The following ASPM variants were observed in gnomAD, a reference collection of about 807,000 sequenced individuals.
ASPM encodes the protein abnormal spindle-like microcephaly-associated protein.
ASPM carries 256 observed loss-of-function variants against 366.4 expected under a neutral mutation model. The ratio of observed to expected loss-of-function variants is 0.70; its 90% CI spans 0.63 to 0.77. ASPM has a LOEUF of 0.77. ASPM is among the 30% of genes least tolerant of loss of function. The pLI, the probability that ASPM is intolerant of heterozygous loss-of-function variation, is 0.00. For missense variants in ASPM, 4,146 were observed against 4,090.4 expected (o/e 1.01, Z -0.37); for synonymous variants, 1,414 against 1,342.9 (o/e 1.05, Z -1.16).
rs973223706 is a variant in ASPM, at chr1:197,142,878, C to T, written c.1374G>A (p.Lys458=). 1.9e-6 allele frequency: 3 copies of T among 1,612,896 alleles called. No individual in the cohort carries two copies. The highest frequency in any genetic ancestry group is 2.7e-5 in the African/African-American group (2 of 74,884). The change falls in exon 3 of 28, where the codon AAG becomes AAA. Residue 458 remains lysine (K), a synonymous_variant. Transcript: ENST00000367409. ...GTTTTATAAAACTGTAGTAATTTGACTTCATTTCTACTAGTTCTTCAAAAA... is the reference window on the plus strand; with the variant it reads ...GTTTTATAAAACTGTAGTAATTTGATTTCATTTCTACTAGTTCTTCAAAAA... ...KAIFEELVEM[K]SNYYSFIKQN...
intron 16 of ASPM, among the ~76,000 whole-genome samples, chr1:197,120,887 C>A (rs1210174634): frequency 6.6e-6 from 1 of 152,112 alleles, no homozygotes; most frequent in Non-Finnish European, 1.5e-5. Context: ...ATTTCCCAAA[C>A]TTTACTATGA....
Position 197,146,406 on chromosome 1 carries a change from C to A in ASPM, c.32G>T (p.Trp11Leu). The A allele has an allele frequency of 6.2e-7, 1 of 1,609,646 alleles. No homozygotes were observed. The highest frequency in any genetic ancestry group is 2.2e-5 in the East Asian group (1 of 44,788). The change falls in exon 1 of 28, where the codon TGG becomes TTG. Residue 11 changes from tryptophan (W) to leucine (L), a missense_variant. Coordinates refer to ENST00000367409, the MANE Select transcript of ASPM (RefSeq NM_018136.5). ...CCTCCGCTCGGTCGGGCTCACTTCC[C>A]AGCAGCCTCGCCCCACTCGCCGGTT... MANRRVGRGC[W>L]EVSPTERRPP...
chr1:197,133,338 C>T lies in ASPM; in HGVS notation c.2419+12G>A, dbSNP rs77191836. The T allele has an allele frequency of 0.019, 30,978 of 1,599,632 alleles. 342 individuals carry two copies. The highest frequency in any genetic ancestry group is 0.021 in the Non-Finnish European group (25,085 of 1,173,526). Reference sequence around the variant, plus strand: ...TAAAGAATTAATGTCAAGATTTCTGCAGTCTTCTTACCCACATCTTTCCAT... The same window carrying T: ...TAAAGAATTAATGTCAAGATTTCTGTAGTCTTCTTACCCACATCTTTCCAT... On this transcript the variant is annotated intron_variant, in intron 6 of 27. Coordinates refer to ENST00000367409, the MANE Select transcript of ASPM (RefSeq NM_018136.5).
In ASPM at chr1:197,132,266, A is replaced by T. The variant is rs1557960378; in HGVS notation, c.2487+19T>A. ...ATAATAAAAAAATATTATTTTAGAA[A>T]CCTGAAATATATGCTTACCTCTAGA... On this transcript the variant is annotated intron_variant, in intron 7 of 27. Transcript: ENST00000367409. The T allele has an allele frequency of 6.4e-7, 1 of 1,566,604 alleles. No individual in the cohort carries two copies. The highest frequency in any genetic ancestry group is 2.3e-5 in the East Asian group (1 of 44,084).
chr1:197,100,962 C>T lies in ASPM; in HGVS notation c.8289G>A (p.Glu2763=), dbSNP rs767944737. Residue 2763 remains glutamate, a synonymous_variant, in exon 18 of 28, where the codon GAG becomes GAA. Transcript: ENST00000367409. ...GGTTAACAATGGCTGCCATCTTTTC[C>T]TCTGATACATTTTTCAATTTTTGTC... The part of the protein sequence containing the change: ...KVRQKLKNVS[E]EKMAAIVNQS... 4 of 1,612,558 alleles carry T rather than the reference C, an allele frequency of 2.5e-6. No homozygotes were observed. Among genetic ancestry groups the T allele is most frequent in the Non-Finnish European group, 2.5e-6 (3 of 1,179,134 alleles).
chr1:197,138,525 T>A (rs1658486079), intron 4 of ASPM, among the ~76,000 whole-genome samples: 1 of 152,180 alleles, frequency 6.6e-6, no homozygotes, highest in South Asian at 2.1e-4. Context: ...CTTGAACTCC[T>A]GACCTCAGAT....
At position 197,084,394 on chromosome 1, in the gene ASPM, T is replaced by A. The variant is rs759913912; in HGVS notation, c.10364A>T (p.Asn3455Ile). The A allele has an allele frequency of 5.6e-6, 9 of 1,612,722 alleles. No individual in the cohort carries two copies. In the Admixed American group the frequency reaches 1.5e-4, roughly 27 times the overall value. ...LKPDWVLRRDNMEEITNPLQA... is the reference protein window; with the variant it reads ...LKPDWVLRRDIMEEITNPLQA... ...CAGGGGATTTGTGATTTCTTCCATG[T>A]TATCTCTTCTCAAAACCCAATCTGG... is the stretch of plus-strand genomic sequence containing the variant. Residue 3455 changes from asparagine (N) to isoleucine (I), a missense_variant, in exon 28 of 28, where the codon AAC becomes ATC. By Grantham distance (149) the Asn-to-Ile change is moderately radical. Transcript: ENST00000367409.
In ASPM at chr1:197,100,572, G is replaced by A. The variant is rs1657120826; in HGVS notation, c.8679C>T (p.Tyr2893=). Residue 2893 remains tyrosine (Y), a synonymous_variant, in exon 18 of 28, where the codon TAC becomes TAT. Transcript: ENST00000367409. Reference sequence around the variant, plus strand: ...GATGTTTTGCAGACAGAAATGCTCTGTAGTGATTTTGTAAAACCACTGCTG... The same window carrying A: ...GATGTTTTGCAGACAGAAATGCTCTATAGTGATTTTGTAAAACCACTGCTG... ...RKAAVVLQNH[Y]RAFLSAKHQR... 1 of 1,611,868 alleles carries A rather than the reference G, an allele frequency of 6.2e-7. No homozygotes were observed. Among genetic ancestry groups the A allele is most frequent in the Non-Finnish European group, 8.5e-7 (1 of 1,178,784 alleles).
intron 15 of ASPM, 46 bp from the exon 16 acceptor site, chr1:197,122,089 T>C (rs1449460021): frequency 1.2e-6 from 2 of 1,601,142 alleles, no homozygotes; most frequent in Admixed American, 3.4e-5. Context: ...CAACAGAGAA[T>C]ACAGTACTTA....
chr1:197,121,953 T>A lies in ASPM; in HGVS notation c.3832A>T (p.Arg1278Ter). Residue 1278 changes from arginine to a stop codon, truncating the protein, a stop_gained, in exon 16 of 28, where the codon AGA (arginine) becomes TGA (stop). Transcript: ENST00000367409. LOFTEE classifies it high-confidence loss of function. ...RAARLIQTTW[R>*]KYKLKTDLKR... is the part of the protein sequence containing the mutation. ...AGATCTGTTTTTAGTTTATATTTTCTCCATGTTGTTTGTATGAGTCGAGCA... is the reference window on the plus strand; with the variant it reads ...AGATCTGTTTTTAGTTTATATTTTCACCATGTTGTTTGTATGAGTCGAGCA... 6.2e-7 allele frequency: 1 copy of A among 1,611,744 alleles called. No individual in the cohort carries two copies. Among genetic ancestry groups the A allele is most frequent in the Non-Finnish European group, 8.5e-7 (1 of 1,178,090 alleles).
At chr1:197,099,413 C>T (rs199572086) in intron 18 of ASPM, among the ~76,000 whole-genome samples, 14 of 151,622 alleles carry the variant, frequency 9.2e-5, no homozygotes, top group Admixed American at 4.0e-4. Flanking sequence ...GATTTTTCCA[C>T]GTTATCTCTT....
rs1340792477 is a variant in ASPM at position 197,086,891 on chromosome 1, C to T, written c.10243G>A (p.Glu3415Lys). The T allele has an allele frequency of 6.2e-7, 1 of 1,611,478 alleles. No homozygotes were observed. Among genetic ancestry groups the T allele is most frequent in the East Asian group, 2.2e-5 (1 of 44,702 alleles). Residue 3415 changes from glutamate (E) to lysine (K), a missense_variant, in exon 27 of 28, where the codon GAA becomes AAA. Physicochemically the swap from Glu to Lys is moderately conservative, Grantham distance 56. Transcript: ENST00000367409. ...TTCTTTTGCTTGTAAAGTATTCTTT[C>T]AGTATTCATTTTATGTTTATGAGCT... The part of the protein sequence containing the change: ...LTAHKHKMNT[E>K]RILYKQKKNS...
chr1:197,144,135 A>T, intron 1 of ASPM, 35 bp from the exon 2 acceptor site: 8 of 1,434,706 alleles, frequency 5.6e-6, no homozygotes, highest in Non-Finnish European at 7.8e-6. Flanking sequence ...TAATTACAAT[A>T]GTAATTACAT....
At chr1:197,138,029 GATTTGTATAACATAAT>G (rs1658473538) in intron 4 of ASPM, among the ~76,000 whole-genome samples, 2 of 152,050 alleles carry the variant, frequency 1.3e-5, no homozygotes, top group Non-Finnish European at 2.9e-5. Context: ...CTATTAATTA[GATTTGTATAACATAAT>G]ATTTTATGCC....
rs1215078842 is a variant in ASPM at position 197,133,459 on chromosome 1, G to A, written c.2310C>T (p.Cys770=). 6.2e-7 allele frequency: 1 copy of A among 1,613,878 alleles called. No individual in the cohort carries two copies. Among genetic ancestry groups the A allele is most frequent in the Middle Eastern group, 1.6e-4 (1 of 6,084 alleles). ...CRLNRLRRAA[C]RLFTSEKMVK... ...CCATTTTTTCAGAAGTAAACAAACG[G>A]CATGCTGCACGACGTAGTCTGTTTA... Residue 770 remains cysteine (C), a synonymous_variant, in exon 6 of 28, where the codon TGC becomes TGT. Coordinates refer to ENST00000367409, the MANE Select transcript of ASPM (RefSeq NM_018136.5).
At position 197,142,962 on chromosome 1, in the gene ASPM, T is replaced by A. The variant is rs764319775; in HGVS notation, c.1290A>T (p.Arg430Ser). The A allele has an allele frequency of 1.2e-6, 2 of 1,613,992 alleles. No individual in the cohort carries two copies. Among genetic ancestry groups the A allele is most frequent in the Admixed American group, 3.3e-5 (2 of 60,024 alleles). Residue 430 changes from arginine (R) to serine (S), a missense_variant, in exon 3 of 28, where the codon AGA becomes AGT. Transcript: ENST00000367409. ...SQVPQSPEDW[R>S]KSEVSPRIPE... ...GAATACGTGGCGAAACTTCACTTTT[T>A]CTCCAATCTTCAGGAGACTGTGGGA...
intron 16 of ASPM, among the ~76,000 whole-genome samples, chr1:197,120,798 C>A (rs1657885616): frequency 1.3e-5 from 2 of 151,930 alleles, no homozygotes; most frequent in South Asian, 4.2e-4. Context: ...GGAGGCAGAT[C>A]CTGAGTTTAG....
Position 197,122,153 on chromosome 1 carries a change from ACTTAC to A in ASPM, c.3741+1_3741+5del, listed in dbSNP as rs748104142. The A allele has an allele frequency of 1.2e-6, 2 of 1,606,462 alleles. No individual in the cohort carries two copies. Among genetic ancestry groups the A allele is most frequent in the Non-Finnish European group, 1.7e-6 (2 of 1,173,622 alleles). On this transcript the variant is annotated splice_donor_variant and splice_donor_5th_base_variant and intron_variant, in intron 15 of 27. Transcript: ENST00000367409. LOFTEE classifies it high-confidence loss of function. Reference sequence around the variant, plus strand: ...ATTAATAATTAGAAACTCTTCTTTTACTTACCTTTTCATCTGGAATTGTATTTGAC... The same window carrying A: ...ATTAATAATTAGAAACTCTTCTTTTACTTTTCATCTGGAATTGTATTTGAC...
At position 197,124,901 on chromosome 1, in the gene ASPM, C is replaced by T; in HGVS notation, c.3137G>A (p.Arg1046Lys). The change falls in exon 12 of 28, where the codon AGG (arginine) becomes AAG (lysine). Residue 1046 changes from arginine (R) to lysine (K), a missense_variant. Transcript: ENST00000367409. ...IVDRHREKTL[R>K]LLWKIAFAFQ... ...AGCAAACGCTATTTTCCAAAGCAAC[C>T]TGAGAGTTTTTTCTCTGTGCCTATC... is the stretch of plus-strand genomic sequence containing the variant. 1 of 1,610,892 alleles carries T rather than the reference C, an allele frequency of 6.2e-7. No homozygotes were observed. Among genetic ancestry groups the T allele is most frequent in the South Asian group, 1.1e-5 (1 of 91,008 alleles).
Sources: allele counts gnomAD v4.1 joint callset (sites outside exome capture counted in the v4.1 genomes callset), GRCh38; gene constraint gnomAD v4.1.1; transcripts MANE v1.5; gene names NCBI Gene and HGNC (gene_info 2026-07-23, HGNC 2026-07-21).